Variants in BUB1B observed in about 807,000 individuals in gnomAD.
BUB1B encodes the protein mitotic checkpoint serine/threonine-protein kinase BUB1 beta.
In BUB1B, 86 loss-of-function variants were observed where a neutral mutation model predicts 137.7. The ratio of observed to expected loss-of-function variants is 0.62; its 90% CI spans 0.52 to 0.75. BUB1B has a LOEUF of 0.75. BUB1B is among the 30% of genes least tolerant of loss of function. The pLI is 0.00. For missense variants in BUB1B, 1,130 were observed against 1,236.9 expected, an observed-to-expected ratio of 0.91 and a Z score of 1.30; for synonymous variants, 420 against 417.9, an observed-to-expected ratio of 1.00 and a Z score of -0.06.
intron 2 of BUB1B, among the ~76,000 whole-genome samples, chr15:40,166,084 C>CTCT (rs1317668756): frequency 2.6e-5 from 4 of 152,156 alleles, no homozygotes; most frequent in Non-Finnish European, 5.9e-5. Flanking sequence ...AACTCCTGAG[C>CTCT]TCAAGTGATC....
At chr15:40,202,347 T>G (rs2037581468) in intron 12 of BUB1B, 58 bp from the exon 13 acceptor site, 1 of 1,376,420 alleles carries the variant, frequency 7.3e-7, no homozygotes, top group South Asian at 1.2e-5. Context: ...TTTATCTGGT[T>G]GTCTTGAAGA....
chr15:40,211,540 C>G (rs1207460629), intron 18 of BUB1B, among the ~76,000 whole-genome samples: 1 of 152,120 alleles, frequency 6.6e-6, no homozygotes, highest in Non-Finnish European at 1.5e-5. Flanking sequence ...AGCCTGGCTG[C>G]TAGCTTTCTG....
rs1377724772 is a variant in BUB1B at position 40,180,944 on chromosome 15, G to A, written c.582-2770G>A. Among the ~76,000 whole-genome samples the A allele has an allele frequency of 2.6e-5, 4 of 151,896 alleles. No individual in the cohort carries two copies. The South Asian group carries it at 8.3e-4, about 32-fold the overall frequency. On this transcript the variant is annotated intron_variant, in intron 5 of 22. Coordinates refer to ENST00000287598, the MANE Select transcript of BUB1B (RefSeq NM_001211.6). Reference sequence around the variant, plus strand: ...ATTGCAGGCATGAGCCACTGCGCCCGGCCCTCTCTGGTTTCTAATAAGAAA... The same window carrying A: ...ATTGCAGGCATGAGCCACTGCGCCCAGCCCTCTCTGGTTTCTAATAAGAAA...
intron 9 of BUB1B, among the ~76,000 whole-genome samples, chr15:40,197,012 G>C (rs1218062875): frequency 6.6e-6 from 1 of 152,178 alleles, no homozygotes. Flanking sequence ...CTTGGGGTGT[G>C]GGGGCACTGA....
chr15:40,186,927 A>G (rs1376239111), intron 8 of BUB1B: 1 of 150,902 alleles, frequency 6.6e-6, no homozygotes, highest in Non-Finnish European at 1.5e-5. Flanking sequence ...CTTTTTAAAC[A>G]GAGTCTTGCT....
At position 40,210,213 on chromosome 15, in the gene BUB1B, G is replaced by A. The variant is rs2140906522; in HGVS notation, c.2385+3G>A. 6.3e-7 allele frequency: 1 copy of A among 1,580,866 alleles called. No individual in the cohort carries two copies. The highest frequency in any genetic ancestry group is 8.7e-7 in the Non-Finnish European group (1 of 1,150,232). Reference sequence around the variant, plus strand: ...CTGCAGAATTAACAGTAATAAAGGTGGGACTGATTCTTTATAATTTCAGTT... The same window carrying A: ...CTGCAGAATTAACAGTAATAAAGGTAGGACTGATTCTTTATAATTTCAGTT... On this transcript the variant is annotated splice_donor_region_variant and intron_variant, in intron 18 of 22. Transcript: ENST00000287598.
Position 40,183,336 on chromosome 15 carries a change from G to A in BUB1B, c.582-378G>A, listed in dbSNP as rs189994876. On this transcript the variant is annotated intron_variant, in intron 5 of 22. Transcript: ENST00000287598. ...AAAGAGACACAGTGATAAAATAGAT[G>A]TGGCACAGTGTTAACAATTGGTGGG... Among the ~76,000 whole-genome samples the A allele has an allele frequency of 1.4e-3, 207 of 152,314 alleles. 1 individual carries two copies. Among genetic ancestry groups the A allele is most frequent in the African/African-American group, 4.9e-3 (203 of 41,568 alleles).
intron 20 of BUB1B, among the ~76,000 whole-genome samples, chr15:40,217,036 A>C (rs1296523897): frequency 6.6e-6 from 1 of 152,206 alleles, no homozygotes; most frequent in Non-Finnish European, 1.5e-5. Flanking sequence ...TTTTCCATTA[A>C]ACTCTGGAAG....
At chr15:40,175,639 G>T (rs2037215215) in intron 4 of BUB1B, among the ~76,000 whole-genome samples, 1 of 151,952 alleles carries the variant, frequency 6.6e-6, no homozygotes, top group Non-Finnish European at 1.5e-5. Flanking sequence ...ATTGTATATG[G>T]TCTCATAATG....
At chr15:40,215,318 C>G (rs1450821266) in intron 20 of BUB1B, among the ~76,000 whole-genome samples, 4 of 151,410 alleles carry the variant, frequency 2.6e-5, no homozygotes, top group African/African-American at 9.7e-5. Context: ...ACTAAAAATA[C>G]AAAATTAGCC....
intron 14 of BUB1B, among the ~76,000 whole-genome samples, chr15:40,205,358 ATC>A (rs1307527091): frequency 2.0e-5 from 3 of 152,190 alleles, no homozygotes; most frequent in Non-Finnish European, 2.9e-5. Context: ...TAGAAAATTA[ATC>A]TCTGGTATCC....
intron 5 of BUB1B, among the ~76,000 whole-genome samples, chr15:40,183,118 A>G (rs2037314533): frequency 6.6e-6 from 1 of 152,146 alleles, no homozygotes; most frequent in African/African-American, 2.4e-5. Context: ...TAGTTAAATG[A>G]AGCAGTGGTA....
rs2037730811 is a variant in BUB1B at position 40,212,785 on chromosome 15, A to G, written c.2535+137A>G. 3 of 852,910 alleles carry G rather than the reference A, an allele frequency of 3.5e-6. No homozygotes were observed. The Admixed American group carries it at 8.5e-5, about 24-fold the overall frequency. The allele number at this position is 852,910 out of a possible 1,614,324, so 52.8% of individuals were successfully genotyped here. ...TCAAGTATAAGTTAGAAGCATTGAT[A>G]ATTTTCTCGTTATTTTGACCAAAGA... On this transcript the variant is annotated intron_variant, in intron 19 of 22. Coordinates refer to ENST00000287598, the MANE Select transcript of BUB1B (RefSeq NM_001211.6).
In BUB1B at chr15:40,221,097, G is replaced by A. The variant is rs2037900742; in HGVS notation, c.*338G>A. The A allele has an allele frequency of 5.9e-6, 2 of 336,548 alleles. No homozygotes were observed. The highest frequency in any genetic ancestry group is 1.1e-5 in the Non-Finnish European group (2 of 180,632). 20.8% of individuals were successfully genotyped at this position (336,548 alleles called of 1,614,324 possible). A position where few individuals can be genotyped will look rare whatever the true frequency, so the allele number is the denominator to read the frequency against. On this transcript the variant is annotated 3_prime_UTR_variant, in exon 23 of 23. Transcript: ENST00000287598. ...TTCTCTTATGATCACCATGTATTTT[G>A]TAAATAATAAAATAGTATCTGTTAA...
In BUB1B at chr15:40,218,441, T is replaced by G. The variant is rs1462611588; in HGVS notation, c.2851-15T>G. ...AGAGAATTATTTTAGCTGATGGTGC[T>G]TTTTGTGATTTCAGGTAGACCTGTT... On this transcript the variant is annotated splice_polypyrimidine_tract_variant and intron_variant, in intron 21 of 22. Coordinates refer to ENST00000287598, the MANE Select transcript of BUB1B (RefSeq NM_001211.6). 1 of 1,592,406 alleles carries G rather than the reference T, an allele frequency of 6.3e-7. No homozygotes were observed.
chr15:40,217,344 T>G, intron 20 of BUB1B, 152 bp from the exon 21 acceptor site: 2 of 756,824 alleles, frequency 2.6e-6, no homozygotes. Context: ...GCCACTGCTC[T>G]GTCTTACAGG....
In BUB1B at chr15:40,163,885, A is replaced by G. The variant is rs571032346; in HGVS notation, c.36-1168A>G. ...AAGAAGCTGTCTCCAACGAGTTTTCAGTGCTCATCTAGACTGAAGTCACAT... is the reference window on the plus strand; with the variant it reads ...AAGAAGCTGTCTCCAACGAGTTTTCGGTGCTCATCTAGACTGAAGTCACAT... On this transcript the variant is annotated intron_variant, in intron 1 of 22. Transcript: ENST00000287598. Among the ~76,000 whole-genome samples the G allele has an allele frequency of 9.1e-4, 139 of 152,306 alleles. No homozygotes were observed. The South Asian group carries it at 0.013, about 14-fold the overall frequency.
At chr15:40,201,022 C>T (rs1303975359) in intron 12 of BUB1B, 42 bp downstream of exon 12, 1 of 1,553,676 alleles carries the variant, frequency 6.4e-7, no homozygotes, top group Non-Finnish European at 8.9e-7. Flanking sequence ...TTGCTGATAA[C>T]AAATGTATTA....
chr15:40,163,676 C>T (rs2037063291), intron 1 of BUB1B, among the ~76,000 whole-genome samples: 2 of 152,094 alleles, frequency 1.3e-5, no homozygotes, highest in South Asian at 2.1e-4. Flanking sequence ...CTTAAGTGTA[C>T]GGATAGCTCA....
Sources: gnomAD v4.1 joint callset for allele counts (sites outside exome capture counted in the v4.1 genomes callset) on GRCh38, gnomAD v4.1.1 for gene constraint, MANE v1.5 for transcripts, NCBI Gene and HGNC (gene_info 2026-07-23, HGNC 2026-07-21) for gene names.